Variants in PNCK observed in about 807,000 individuals in gnomAD.
PNCK encodes the protein pregnancy up-regulated nonubiquitous CaM kinase.
In PNCK, 21 loss-of-function variants were observed where a neutral mutation model predicts 28.3. The observed-to-expected ratio is 0.74, with a 90% CI of 0.53 to 1.07. The LOEUF (loss-of-function observed/expected upper bound fraction) is 1.07, where lower values mean the gene tolerates loss of function less well. Ranked by LOEUF, PNCK falls within the 50% of genes least tolerant of loss-of-function variation. The pLI is 0.00. For missense variants in PNCK, 250 were observed against 298.3 expected (o/e 0.84, Z 1.19); for synonymous variants, 136 against 125.2 (o/e 1.09, Z -0.58).
rs782109329 is a variant in PNCK at position 153,671,915 on chromosome X, G to T, written c.379C>A (p.Leu127Met). 3 of 1,208,201 alleles carry T rather than the reference G, an allele frequency of 2.5e-6. No homozygotes were observed. In the Admixed American group the frequency reaches 6.5e-5, roughly 26 times the overall value. Residue 127 changes from leucine (L) to methionine (M), a missense_variant, in exon 5 of 12, where the codon CTG (leucine) becomes ATG (methionine). Physicochemically the swap from Leu to Met is conservative, Grantham distance 15 (BLOSUM62 2). Transcript: ENST00000340888. ...CGGTGCACGATCCCCAGGCTGTGCAGGTAGGAGACGGCGCCAAGGACCTGA... is the reference window on the plus strand; with the variant it reads ...CGGTGCACGATCCCCAGGCTGTGCATGTAGGAGACGGCGCCAAGGACCTGA... ...VGQVLGAVSYLHSLGIVHRDL... is the reference protein window; with the variant it reads ...VGQVLGAVSYMHSLGIVHRDL...
chrX:153,672,954 T>TACAC (rs10542443), intron 2 of PNCK, 55 bp downstream of exon 2: 695 of 1,056,049 alleles, frequency 6.6e-4, no homozygotes, highest in African/African-American at 3.0e-3. Flanking sequence ...CTCACACAGG[T>TACAC]ACACACACAC....
At chrX:153,677,727 A>AGTGTATATATAGT (rs200681943), upstream of PNCK, among the ~76,000 whole-genome samples, 38 of 97,483 alleles carry the variant, frequency 3.9e-4, no homozygotes, top group South Asian at 0.013. Context: ...GCATATATAT[A>AGTGTATATATAGT]GTGTATATAT....
chrX:153,677,743 GTATA>G (rs782684893), upstream of PNCK, among the ~76,000 whole-genome samples: 258 of 102,302 alleles, frequency 2.5e-3, no homozygotes, highest in Non-Finnish European at 4.4e-3. Context: ...TATATAGTGT[GTATA>G]TATAGTGTGT....
At chrX:153,687,366 C>G (rs1447324564) in intron 1 of PNCK, 19 of 323,038 alleles carry the variant, frequency 5.9e-5, no homozygotes, top group Admixed American at 5.4e-4. Flanking sequence ...ATGACAAAGT[C>G]GAGGCTTGCT....
intron 1 of PNCK, among the ~76,000 whole-genome samples, chrX:153,682,434 C>T (rs886535023): frequency 9.9e-5 from 11 of 111,265 alleles, no homozygotes; most frequent in Non-Finnish European, 1.3e-4. Flanking sequence ...TGCGTGTCAC[C>T]GCCCCAGCTA....
At chrX:153,683,009 C>T (rs1174752750) in intron 1 of PNCK, among the ~76,000 whole-genome samples, 3 of 112,404 alleles carry the variant, frequency 2.7e-5, no homozygotes, top group Non-Finnish European at 5.6e-5. Flanking sequence ...CCTGGTCCTC[C>T]CAAAGTGCTG....
At chrX:153,685,636 C>T (rs782487927) in intron 1 of PNCK, among the ~76,000 whole-genome samples, 14 of 112,645 alleles carry the variant, frequency 1.2e-4, no homozygotes, top group African/African-American at 4.5e-4. Flanking sequence ...TCAGGGGGAA[C>T]GCCCCGAGGC....
Position 153,672,553 on chromosome X carries a change from G to A in PNCK, c.200+13C>T, listed in dbSNP as rs376479075. On this transcript the variant is annotated intron_variant, in intron 3 of 11. Coordinates refer to ENST00000340888, the MANE Select transcript of PNCK (RefSeq NM_001366977.1). Reference sequence around the variant, plus strand: ...GACCTATGCCCCGTCCCAGGGCCCCGCGAGGTGCGCACCTACGGAGCACTG... The same window carrying A: ...GACCTATGCCCCGTCCCAGGGCCCCACGAGGTGCGCACCTACGGAGCACTG... 68 of 1,200,881 alleles carry A rather than the reference G, an allele frequency of 5.7e-5. No individual in the cohort carries two copies. Among genetic ancestry groups the A allele is most frequent in the Non-Finnish European group, 6.4e-5 (57 of 893,768 alleles).
In PNCK at chrX:153,670,465, TG is replaced by T; in HGVS notation, c.1023del (p.Lys342SerfsTer43). 1 of 1,211,077 alleles carries T rather than the reference TG, an allele frequency of 8.3e-7. No homozygotes were observed. Among genetic ancestry groups the T allele is most frequent in the Non-Finnish European group, 1.1e-6 (1 of 895,313 alleles). ...SHSGLRAGQPPKW is the reference protein window; with the variant it reads ...SHSGLRAGQPXKW ...CCAAACACACCTGGGCATCACCACT[TG>T]GGGGGCTGGCCAGCACGGAGGCCTG... On this transcript the variant is annotated frameshift_variant, in exon 11 of 12. Coordinates refer to ENST00000340888, the MANE Select transcript of PNCK (RefSeq NM_001366977.1). LOFTEE classifies it high-confidence loss of function.
chrX:153,674,536 T>G, upstream of PNCK: 1 of 151,321 alleles, frequency 6.6e-6, no homozygotes, highest in Non-Finnish European at 1.3e-5. Flanking sequence ...TCGGCTCAAA[T>G]GTCCCCTCCT....
upstream of PNCK, among the ~76,000 whole-genome samples, chrX:153,677,549 ATATATATAGTGTG>A (rs200643234): frequency 7.8e-3 from 805 of 103,388 alleles, 7 homozygotes; most frequent in African/African-American, 0.025. Context: ...TAGTGTGTAT[ATATATATAGTGTG>A]TATATATAGT....
At chrX:153,676,324 A>G (rs1383876022), upstream of PNCK, among the ~76,000 whole-genome samples, 2 of 111,322 alleles carry the variant, frequency 1.8e-5, no homozygotes, top group African/African-American at 3.3e-5. Context: ...TTCGTAAGCA[A>G]CTTCCTCTTT....
At chrX:153,671,388 G>A (rs2091297076) in intron 6 of PNCK, 28 bp from the exon 7 acceptor site, 28 of 1,211,939 alleles carry the variant, frequency 2.3e-5, no homozygotes, top group Non-Finnish European at 2.9e-5. Flanking sequence ...ACAGACGCAC[G>A]CACAGGCACA....
intron 1 of PNCK, among the ~76,000 whole-genome samples, chrX:153,684,040 A>G (rs1205113863): frequency 1.8e-5 from 2 of 112,090 alleles, no homozygotes; most frequent in East Asian, 5.6e-4. Context: ...CATCCTCCTC[A>G]CCTGATGGCC....
chrX:153,673,561 A>C (rs2091340766), intron 1 of PNCK: 236 of 266,631 alleles, frequency 8.9e-4, no homozygotes, highest in East Asian at 2.2e-3. Context: ...GCGGCCACCC[A>C]CGCGGCCGCA....
At chrX:153,684,638 AGAG>A (rs1557042876) in intron 1 of PNCK, among the ~76,000 whole-genome samples, 1 of 111,157 alleles carries the variant, frequency 9.0e-6, no homozygotes, top group Non-Finnish European at 1.9e-5. Flanking sequence ...CGCCTTCAGA[AGAG>A]GAGGCGCCCC....
In PNCK at chrX:153,671,428, C is replaced by T. The variant is rs782177334; in HGVS notation, c.539-68G>A. The T allele has an allele frequency of 1.9e-5, 23 of 1,210,131 alleles. No individual in the cohort carries two copies. The South Asian group carries it at 3.7e-4, about 19-fold the overall frequency. The stretch of plus-strand genomic sequence containing the variant: ...CAGCCATGCCGCTCAGTGTCACTGG[C>T]TCGGCCTACTCAAGCCCAGGAATGG... On this transcript the variant is annotated intron_variant, in intron 6 of 11. Coordinates refer to ENST00000340888, the MANE Select transcript of PNCK (RefSeq NM_001366977.1).
chrX:153,683,130 G>T lies in PNCK; in HGVS notation c.-3+4301C>A, dbSNP rs979918334. ...AGCTGCCCTGAAAATTTGAAGGCTG[G>T]GATTTATTTATTTATTTTTTATTTT... On this transcript the variant is annotated intron_variant, in intron 1 of 3. Transcript: ENST00000419804. 2.7e-5 allele frequency among the ~76,000 whole-genome samples: 3 copies of T among 111,973 alleles called. No individual in the cohort carries two copies. In the East Asian group the frequency reaches 8.3e-4, roughly 31 times the overall value.
At position 153,669,781 on chromosome X, in the gene PNCK, AG is replaced by A. The variant is rs376114677; in HGVS notation, c.*356del. On this transcript the variant is annotated 3_prime_UTR_variant, in exon 12 of 12. Transcript: ENST00000340888. ...TTGGGGAAAACTGGAGGGGGCTGGA[AG>A]GCCATGACCATGACACAAGCAGGAC... The A allele has an allele frequency of 4.2e-4, 142 of 341,518 alleles. 2 individuals are homozygous for A. Among genetic ancestry groups the A allele is most frequent in the African/African-American group, 2.6e-3 (100 of 37,969 alleles). 28.1% of individuals were successfully genotyped at this position (341,518 alleles called of 1,213,427 possible). A position where few individuals can be genotyped will look rare whatever the true frequency, so the allele number is the denominator to read the frequency against.
Sources: allele counts gnomAD v4.1 joint callset (sites outside exome capture counted in the v4.1 genomes callset), GRCh38; gene constraint gnomAD v4.1.1; transcripts MANE v1.5; gene names NCBI Gene and HGNC (gene_info 2026-07-23, HGNC 2026-07-21).